Variants in PTPRD observed in about 807,000 individuals in gnomAD.
PTPRD encodes receptor-type tyrosine-protein phosphatase delta.
PTPRD carries 34 observed loss-of-function variants against 214.5 expected under a neutral mutation model. The observed-to-expected ratio is 0.16, with a 90% CI of 0.12 to 0.21. The LOEUF is 0.21. Ranked by LOEUF, PTPRD falls within the 10% of genes least tolerant of loss-of-function variation. The pLI is 1.00. For missense variants in PTPRD, 2,545 were observed against 2,398.7 expected (o/e 1.06, Z -1.27); for synonymous variants, 1,128 against 845.7 (o/e 1.33, Z -5.79).
intron 4 of PTPRD, among the ~76,000 whole-genome samples, chr9:9,962,576 C>G (rs2094437564): frequency 6.6e-6 from 1 of 152,022 alleles, no homozygotes; most frequent in Non-Finnish European, 1.5e-5. Flanking sequence ...ACTCCGTTGC[C>G]CTTTTTTTCT....
At chr9:10,028,174 G>C (rs2096967619) in intron 4 of PTPRD, among the ~76,000 whole-genome samples, 1 of 152,114 alleles carries the variant, frequency 6.6e-6, no homozygotes. Flanking sequence ...CCCTTCACAA[G>C]CTCTCTTCTC....
At chr9:9,942,659 T>G (rs182387958) in intron 4 of PTPRD, among the ~76,000 whole-genome samples, 78 of 152,264 alleles carry the variant, frequency 5.1e-4, no homozygotes, top group Non-Finnish European at 9.6e-4. Context: ...TTTGCAAATC[T>G]TACAGGTGAA....
chr9:8,414,713 C>A (rs970745359), intron 35 of PTPRD, among the ~76,000 whole-genome samples: 1 of 151,776 alleles, frequency 6.6e-6, no homozygotes, highest in Non-Finnish European at 1.5e-5. Context: ...TCAAAGTATC[C>A]CAGTTTAGGC....
At chr9:8,585,576 C>G (rs1000239529) in intron 14 of PTPRD, among the ~76,000 whole-genome samples, 13 of 152,160 alleles carry the variant, frequency 8.5e-5, no homozygotes, top group African/African-American at 3.1e-4. Flanking sequence ...CAACTCTGTA[C>G]CATACCAACC....
At chr9:10,374,736 G>C (rs557889337) in intron 2 of PTPRD, among the ~76,000 whole-genome samples, 1 of 152,006 alleles carries the variant, frequency 6.6e-6, no homozygotes, top group East Asian at 1.9e-4. Flanking sequence ...CACTTGATTA[G>C]AAAAAAATGA....
At chr9:8,502,506 G>C (rs1277435236) in intron 23 of PTPRD, among the ~76,000 whole-genome samples, 5 of 152,044 alleles carry the variant, frequency 3.3e-5, no homozygotes, top group Non-Finnish European at 7.4e-5. Flanking sequence ...TGACAAAAAA[G>C]AAATCCTCAT....
intron 14 of PTPRD, among the ~76,000 whole-genome samples, chr9:8,604,035 G>A (rs912605626): frequency 2.0e-5 from 3 of 152,152 alleles, no homozygotes; most frequent in Non-Finnish European, 2.9e-5. Flanking sequence ...CAATTATGCT[G>A]AGAGTGTTTA....
intron 36 of PTPRD, among the ~76,000 whole-genome samples, chr9:8,395,561 A>T (rs1284821210): frequency 1.3e-5 from 2 of 152,052 alleles, no homozygotes; most frequent in East Asian, 3.9e-4. Flanking sequence ...TTGCAAAGAC[A>T]CAGTCTATTG....
intron 4 of PTPRD, among the ~76,000 whole-genome samples, chr9:10,015,734 G>A (rs972460547): frequency 2.0e-5 from 3 of 152,096 alleles, no homozygotes; most frequent in African/African-American, 7.2e-5. Flanking sequence ...AGAGGTGGGG[G>A]AACCACAATA....
intron 12 of PTPRD, among the ~76,000 whole-genome samples, chr9:8,644,798 C>T (rs942435218): frequency 1.3e-5 from 2 of 152,222 alleles, no homozygotes; most frequent in African/African-American, 4.8e-5. Context: ...CCCACGTTCA[C>T]TCACACACCC....
chr9:10,233,660 T>C lies in PTPRD; in HGVS notation c.-545+107303A>G, dbSNP rs182768945. On this transcript the variant is annotated intron_variant, in intron 3 of 45. Transcript: ENST00000381196. The stretch of plus-strand genomic sequence containing the variant: ...CTTGTAAAATCTACAGTTCAGTATA[T>C]AGACATTATTAGTTCTGTCAAAAAT... Among the ~76,000 whole-genome samples, 53 of 152,144 alleles carry C rather than the reference T, an allele frequency of 3.5e-4. 1 individual carries two copies. The highest frequency in any genetic ancestry group is 1.0e-3 in the African/African-American group (43 of 41,578).
intron 39 of PTPRD, among the ~76,000 whole-genome samples, chr9:8,370,934 T>G (rs2081341239): frequency 6.6e-6 from 1 of 152,120 alleles, no homozygotes; most frequent in African/African-American, 2.4e-5. Flanking sequence ...AAATTACTCC[T>G]TGTAAATTAC....
At chr9:9,669,980 T>G in intron 7 of PTPRD, among the ~76,000 whole-genome samples, 1 of 152,292 alleles carries the variant, frequency 6.6e-6, no homozygotes. Context: ...CAATATCTTT[T>G]AGCTTCCTTT....
At chr9:10,387,421 C>T (rs1232458474) in intron 2 of PTPRD, among the ~76,000 whole-genome samples, 1 of 151,868 alleles carries the variant, frequency 6.6e-6, no homozygotes, top group East Asian at 2.0e-4. Context: ...AGTGAGGATT[C>T]AGTTATATCA....
At chr9:8,385,748 G>A (rs562138841) in intron 37 of PTPRD, among the ~76,000 whole-genome samples, 8 of 152,214 alleles carry the variant, frequency 5.3e-5, no homozygotes, top group African/African-American at 1.7e-4. Flanking sequence ...TGTAGCAGCC[G>A]GAATGTTCTA....
chr9:8,486,311 T>C lies in PTPRD; in HGVS notation c.2506A>G (p.Met836Val), dbSNP rs781336894. The C allele has an allele frequency of 1.2e-6, 2 of 1,614,180 alleles. No homozygotes were observed. The highest frequency in any genetic ancestry group is 2.2e-5 in the South Asian group (2 of 91,074). Residue 836 changes from methionine to valine, a missense_variant, in exon 28 of 46, where the codon ATG becomes GTG. Physicochemically the swap from Met to Val is conservative, Grantham distance 21 (BLOSUM62 1). Transcript: ENST00000381196. ...KPRLVINHTQ[M>V]NTALIQWHPP... ...TGCCACTGAATAAGAGCAGTATTCATCTGAGTGTGGTTAATCACAAGCCGA... is the reference window on the plus strand; with the variant it reads ...TGCCACTGAATAAGAGCAGTATTCACCTGAGTGTGGTTAATCACAAGCCGA...
chr9:9,848,304 T>C (rs528292733), intron 5 of PTPRD, among the ~76,000 whole-genome samples: 1 of 152,248 alleles, frequency 6.6e-6, no homozygotes, highest in East Asian at 1.9e-4. Flanking sequence ...ATATCTTAGC[T>C]TGGGGGTTGT....
At chr9:9,555,761 CT>C (rs1283902337) in intron 8 of PTPRD, among the ~76,000 whole-genome samples, 1 of 152,012 alleles carries the variant, frequency 6.6e-6, no homozygotes, top group Non-Finnish European at 1.5e-5. Context: ...CTATAAGTAC[CT>C]TTCCCATTAT....
chr9:9,667,775 T>C (rs551661515), intron 7 of PTPRD, among the ~76,000 whole-genome samples: 48 of 152,248 alleles, frequency 3.2e-4, no homozygotes, highest in African/African-American at 1.2e-3. Context: ...GTTTTCAGAT[T>C]GATGTCCAGA....
Sources: gnomAD v4.1 joint callset for allele counts (sites outside exome capture counted in the v4.1 genomes callset) on GRCh38, gnomAD v4.1.1 for gene constraint, MANE v1.5 for transcripts, NCBI Gene and HGNC (gene_info 2026-07-23, HGNC 2026-07-21) for gene names.